Variants in ATRNL1 observed in about 807,000 individuals in gnomAD.
The protein encoded by ATRNL1 is attractin like 1, also known as attractin-like protein 1.
In ATRNL1, 95 loss-of-function variants were observed where a neutral mutation model predicts 182.7. That is an observed-to-expected ratio of 0.52 (90% CI 0.44 to 0.62). ATRNL1 has a LOEUF of 0.62. ATRNL1 is among the 20% of genes least tolerant of loss of function. ATRNL1 has a pLI of 0.00. For missense variants in ATRNL1, 1,471 were observed against 1,679.5 expected (o/e 0.88, Z 2.17); for synonymous variants, 576 against 568.3 (o/e 1.01, Z -0.19).
intron 19 of ATRNL1, among the ~76,000 whole-genome samples, chr10:115,382,466 T>C (rs1554951460): frequency 6.6e-6 from 1 of 152,036 alleles, no homozygotes; most frequent in East Asian, 1.9e-4. Context: ...ATTTTTTTAA[T>C]TTCATTTTCA....
intron 1 of ATRNL1, among the ~76,000 whole-genome samples, chr10:115,104,196 C>A (rs1189869802): frequency 6.6e-6 from 1 of 152,192 alleles, no homozygotes; most frequent in African/African-American, 2.4e-5. Context: ...TATATCCTTG[C>A]CAGCATTTGT....
chr10:115,321,194 A>G (rs1273991167), intron 18 of ATRNL1, among the ~76,000 whole-genome samples: 1 of 151,982 alleles, frequency 6.6e-6, no homozygotes, highest in Admixed American at 6.6e-5. Flanking sequence ...TTCAGCCCCT[A>G]TTCATCTGCT....
chr10:115,946,745 A>G lies in ATRNL1; in HGVS notation c.*1966A>G, dbSNP rs1953885052. 1.3e-5 allele frequency: 2 copies of G among 152,104 alleles called. No homozygotes were observed. Among genetic ancestry groups the G allele is most frequent in the Admixed American group, 1.3e-4 (2 of 15,274 alleles). The allele number at this position is 152,104 out of a possible 1,614,324, so 9.4% of individuals were successfully genotyped here. A position where few individuals can be genotyped will look rare whatever the true frequency, so the allele number is the denominator to read the frequency against. ...CTTCTTTTGGACCCTCTAAATATTG[A>G]CTTCTCTCATGAAAAAATAAATTGA... On this transcript the variant is annotated 3_prime_UTR_variant, in exon 29 of 29. Transcript: ENST00000355044.
chr10:115,424,511 GC>G (rs1845792849), intron 20 of ATRNL1, among the ~76,000 whole-genome samples: 1 of 152,162 alleles, frequency 6.6e-6, no homozygotes, highest in African/African-American at 2.4e-5. Context: ...ATGTACAGTA[GC>G]CAAGATATGG....
At chr10:115,296,720 A>G (rs1290386924) in intron 15 of ATRNL1, among the ~76,000 whole-genome samples, 1 of 152,162 alleles carries the variant, frequency 6.6e-6, no homozygotes, top group Non-Finnish European at 1.5e-5. Context: ...GGGTAAAGAA[A>G]AACTATACTA....
At chr10:115,771,373 G>T (rs556404916) in intron 27 of ATRNL1, among the ~76,000 whole-genome samples, 9 of 152,066 alleles carry the variant, frequency 5.9e-5, no homozygotes, top group African/African-American at 2.2e-4. Flanking sequence ...TGGGACTACA[G>T]GCGCCCGCCA....
intron 24 of ATRNL1, among the ~76,000 whole-genome samples, chr10:115,481,512 A>G (rs1010969426): frequency 6.6e-6 from 1 of 150,868 alleles, no homozygotes; most frequent in Non-Finnish European, 1.5e-5. Context: ...CTAAATTTTT[A>G]TAAATGAACA....
intron 9 of ATRNL1, among the ~76,000 whole-genome samples, chr10:115,221,954 TA>T (rs71010013): frequency 0.035 from 4,998 of 142,876 alleles, 103 homozygotes; most frequent in African/African-American, 0.054. Flanking sequence ...TGGCACAAAC[TA>T]AAAAAAAAAG....
chr10:115,368,230 C>T (rs1412303918), intron 19 of ATRNL1, among the ~76,000 whole-genome samples: 8 of 152,246 alleles, frequency 5.3e-5, no homozygotes, highest in East Asian at 1.9e-4. Flanking sequence ...TCTCGCGGTG[C>T]GCCGTTTTTT....
At chr10:115,706,251 C>T (rs1423425619) in intron 26 of ATRNL1, among the ~76,000 whole-genome samples, 1 of 151,858 alleles carries the variant, frequency 6.6e-6, no homozygotes, top group Non-Finnish European at 1.5e-5. Context: ...CTTGTCAAAA[C>T]CAGTACTATC....
In ATRNL1 at chr10:115,506,587, G is replaced by A. The variant is rs574112468; in HGVS notation, c.3655-12676G>A. Among the ~76,000 whole-genome samples, 4 of 152,164 alleles carry A rather than the reference G, an allele frequency of 2.6e-5. No homozygotes were observed. The South Asian group carries it at 8.3e-4, about 32-fold the overall frequency. On this transcript the variant is annotated intron_variant, in intron 24 of 28. Transcript: ENST00000355044. ...TGCAAATGAGCTCAAACTCCATAAA[G>A]GAGTTATCTGCCTTTCATCATCATG...
chr10:115,290,796 A>G (rs1346143963), intron 15 of ATRNL1, among the ~76,000 whole-genome samples: 1 of 152,220 alleles, frequency 6.6e-6, no homozygotes, highest in Non-Finnish European at 1.5e-5. Flanking sequence ...GACAAGCTTA[A>G]GGAGGTGGTG....
chr10:115,186,534 A>AGAATGC (rs1217528677), intron 8 of ATRNL1, among the ~76,000 whole-genome samples: 1 of 152,180 alleles, frequency 6.6e-6, no homozygotes, highest in East Asian at 1.9e-4. Flanking sequence ...GCCATAAAAA[A>AGAATGC]GAATGCAACC....
chr10:115,135,461 A>G (rs1178732039), intron 5 of ATRNL1, among the ~76,000 whole-genome samples: 2 of 152,188 alleles, frequency 1.3e-5, no homozygotes, highest in African/African-American at 2.4e-5. Flanking sequence ...TAAAATACCT[A>G]GGAATCCAAC....
intron 18 of ATRNL1, among the ~76,000 whole-genome samples, chr10:115,323,598 C>T (rs960745276): frequency 2.0e-5 from 3 of 151,596 alleles, no homozygotes; most frequent in African/African-American, 7.3e-5. Context: ...GCATGTGCCA[C>T]CACACCTGAC....
chr10:115,241,375 A>G (rs1269221830), intron 9 of ATRNL1, among the ~76,000 whole-genome samples, 196 bp from the exon 10 acceptor site: 1 of 151,674 alleles, frequency 6.6e-6, no homozygotes, highest in Non-Finnish European at 1.5e-5. Context: ...GCATTTTAAG[A>G]TGCTATGAGC....
intron 26 of ATRNL1, among the ~76,000 whole-genome samples, chr10:115,621,276 T>TATATAGAGAGAGAG (rs1268020830): frequency 4.9e-3 from 234 of 47,518 alleles, no homozygotes; most frequent in Non-Finnish European, 7.5e-3. Flanking sequence ...TATATATATA[T>TATATAGAGAGAGAG]AGAGAGAGAG....
chr10:115,229,784 A>T (rs1394709022), intron 9 of ATRNL1, among the ~76,000 whole-genome samples: 1 of 152,104 alleles, frequency 6.6e-6, no homozygotes, highest in Non-Finnish European at 1.5e-5. Flanking sequence ...TTTGCTTTTC[A>T]CAGTGATTAA....
chr10:115,607,772 A>G (rs1856943883), intron 26 of ATRNL1, among the ~76,000 whole-genome samples: 2 of 151,916 alleles, frequency 1.3e-5, no homozygotes, highest in Admixed American at 6.6e-5. Flanking sequence ...TGATAATGTA[A>G]TTAAATATTC....
Sources: gnomAD v4.1 joint callset for allele counts (sites outside exome capture counted in the v4.1 genomes callset) on GRCh38, gnomAD v4.1.1 for gene constraint, MANE v1.5 for transcripts, NCBI Gene and HGNC (gene_info 2026-07-23, HGNC 2026-07-21) for gene names.